SPCS1: variants seen among roughly 807,000 people sequenced by gnomAD.
SPCS1 encodes the protein SPase 12 kDa subunit.
In SPCS1, 10 loss-of-function variants were observed where a neutral mutation model predicts 16.4. The ratio of observed to expected loss-of-function variants is 0.61; its 90% CI spans 0.38 to 1.03. The LOEUF (loss-of-function observed/expected upper bound fraction) is 1.03. SPCS1 is among the 50% of genes least tolerant of loss of function. The pLI is 0.01. For synonymous variants in SPCS1, 47 were observed against 42.5 expected (o/e 1.10, Z -0.41); for missense variants, 118 against 123.8 (o/e 0.95, Z 0.22).
At position 52,706,694 on chromosome 3, in the gene SPCS1, T is replaced by G. The variant is rs764137558; in HGVS notation, c.87T>G (p.Leu29=). Residue 29 remains leucine (L), a synonymous_variant, in exon 2 of 4, where the codon CTT becomes CTG. Transcript: ENST00000619898. The part of the protein sequence containing the change: ...LAEQMFQGII[L]FSAIVGFIYG... ...AACAGATGTTTCAGGGAATTATTCT[T>G]TTTTCTGCAGTAAGTATTGGTTTTA... 1.9e-6 allele frequency: 3 copies of G among 1,613,964 alleles called. No individual in the cohort carries two copies. In the East Asian group the frequency reaches 6.7e-5, roughly 36 times the overall value.
chr3:52,706,306 C>G (rs1450807273), intron 1 of SPCS1, 24 bp downstream of exon 1: 3 of 1,588,940 alleles, frequency 1.9e-6, no homozygotes, highest in East Asian at 2.2e-5. Flanking sequence ...CCGGGGACCT[C>G]TGCACGCCGT....
rs1295527177 is a variant in SPCS1, at chr3:52,706,176, T to A, written c.-71T>A. ...CAGTGCCAGACCTTACCCCTCACGG[T>A]CCTTAAGTCTCGGTCGCCCTCGCCT... On this transcript the variant is annotated 5_prime_UTR_variant, in exon 1 of 4. Transcript: ENST00000619898. The A allele has an allele frequency of 6.5e-7, 1 of 1,548,492 alleles. No individual in the cohort carries two copies. The highest frequency in any genetic ancestry group is 8.7e-7 in the Non-Finnish European group (1 of 1,152,050).
Position 52,706,688 on chromosome 3 carries a change from T to C in SPCS1, c.81T>C (p.Ile27=). The C allele has an allele frequency of 6.2e-7, 1 of 1,614,042 alleles. No homozygotes were observed. Among genetic ancestry groups the C allele is most frequent in the Non-Finnish European group, 8.5e-7 (1 of 1,179,962 alleles). The part of the protein sequence containing the change: ...QKLAEQMFQG[I]ILFSAIVGFI... ...TAGCTGAACAGATGTTTCAGGGAATTATTCTTTTTTCTGCAGTAAGTATTG... is the reference window on the plus strand; with the variant it reads ...TAGCTGAACAGATGTTTCAGGGAATCATTCTTTTTTCTGCAGTAAGTATTG... The change falls in exon 2 of 4, where the codon ATT becomes ATC. Residue 27 remains isoleucine, a synonymous_variant. Transcript: ENST00000619898.
chr3:52,709,898 G>A lies in SPCS1; in HGVS notation c.*2086G>A, dbSNP rs1473287620. 1.3e-5 allele frequency: 2 copies of A among 152,162 alleles called. No homozygotes were observed. The highest frequency in any genetic ancestry group is 4.8e-5 in the African/African-American group (2 of 41,426). The allele number at this position is 152,162 out of a possible 1,614,324, so 9.4% of individuals were successfully genotyped here. On this transcript the variant is annotated 3_prime_UTR_variant, in exon 4 of 4. Transcript: ENST00000619898. ...AAAGATTTGTTCCCAACTGGGCATT[G>A]GGACTTGATGGTTTTGCAAGTTGAG...
chr3:52,708,159 C>G lies in SPCS1; in HGVS notation c.*347C>G, dbSNP rs901794982. On this transcript the variant is annotated 3_prime_UTR_variant, in exon 4 of 4. Transcript: ENST00000619898. Reference sequence around the variant, plus strand: ...CATTTTAATGTTTCCAATTAAACCTCATAGTGCAAGTTCTTTGTCTAAAGG... The same window carrying G: ...CATTTTAATGTTTCCAATTAAACCTGATAGTGCAAGTTCTTTGTCTAAAGG... 1 of 168,108 alleles carries G rather than the reference C, an allele frequency of 5.9e-6. No homozygotes were observed. Among genetic ancestry groups the G allele is most frequent in the African/African-American group, 2.4e-5 (1 of 41,794 alleles). The allele number at this position is 168,108 out of a possible 1,614,324, so 10.4% of individuals were successfully genotyped here.
chr3:52,706,461 A>G, intron 1 of SPCS1, 179 bp downstream of exon 1: 4 of 831,978 alleles, frequency 4.8e-6, no homozygotes, highest in Non-Finnish European at 7.4e-6. Context: ...TCTCCTGTCC[A>G]TTCTCCGTGA....
rs150901717 is a variant in SPCS1 at position 52,708,016 on chromosome 3, T to C, written c.*204T>C. 5,931 of 499,812 alleles carry C rather than the reference T, an allele frequency of 0.012. 47 individuals are homozygous for C. The highest frequency in any genetic ancestry group is 0.017 in the Non-Finnish European group (4,835 of 283,996). The allele number at this position is 499,812 out of a possible 1,614,324, so 31.0% of individuals were successfully genotyped here. A position where few individuals can be genotyped will look rare whatever the true frequency, so the allele number is the denominator to read the frequency against. ...TTCTCTTCATAATCTTGCTCTGAGA[T>C]GGGGAACAGAACACACAAGTATGAA... On this transcript the variant is annotated 3_prime_UTR_variant, in exon 4 of 4. Transcript: ENST00000619898.
Position 52,709,888 on chromosome 3 carries a change from A to C in SPCS1, c.*2076A>C, listed in dbSNP as rs1239360860. On this transcript the variant is annotated 3_prime_UTR_variant, in exon 4 of 4. Coordinates refer to ENST00000619898, the MANE Select transcript of SPCS1 (RefSeq NM_014041.5). ...CAAGTTTGCCAAAGATTTGTTCCCAACTGGGCATTGGGACTTGATGGTTTT... is the reference window on the plus strand; with the variant it reads ...CAAGTTTGCCAAAGATTTGTTCCCACCTGGGCATTGGGACTTGATGGTTTT... 1 of 152,162 alleles carries C rather than the reference A, an allele frequency of 6.6e-6. No individual in the cohort carries two copies. Among genetic ancestry groups the C allele is most frequent in the Admixed American group, 6.6e-5 (1 of 15,266 alleles). The allele number at this position is 152,162 out of a possible 1,614,324, so 9.4% of individuals were successfully genotyped here.
chr3:52,707,946 A>T lies in SPCS1; in HGVS notation c.*134A>T, dbSNP rs375212812. 1.2e-5 allele frequency: 13 copies of T among 1,126,932 alleles called. No individual in the cohort carries two copies. The highest frequency in any genetic ancestry group is 1.3e-5 in the Non-Finnish European group (10 of 786,252). 69.8% of individuals were successfully genotyped at this position (1,126,932 alleles called of 1,614,324 possible). Reference sequence around the variant, plus strand: ...ATAGATTTAGTTCTCTTTATACTTCATTTCTAGCCCAGTTGGGTTTTGATT... The same window carrying T: ...ATAGATTTAGTTCTCTTTATACTTCTTTTCTAGCCCAGTTGGGTTTTGATT... On this transcript the variant is annotated 3_prime_UTR_variant, in exon 4 of 4. Transcript: ENST00000619898.
Position 52,706,168 on chromosome 3 carries a change from C to G in SPCS1, c.-79C>G, listed in dbSNP as rs1337008013. On this transcript the variant is annotated 5_prime_UTR_variant, in exon 1 of 4. Transcript: ENST00000619898. ...CTGACGCGCAGTGCCAGACCTTACC[C>G]CTCACGGTCCTTAAGTCTCGGTCGC... 6.5e-7 allele frequency: 1 copy of G among 1,546,502 alleles called. No homozygotes were observed. Among genetic ancestry groups the G allele is most frequent in the Non-Finnish European group, 8.7e-7 (1 of 1,150,538 alleles).
At chr3:52,706,575 G>C (rs768184037) in intron 1 of SPCS1, 69 bp from the exon 2 acceptor site, 20 of 1,428,746 alleles carry the variant, frequency 1.4e-5, no homozygotes, top group Non-Finnish European at 2.0e-5. Context: ...CCAGAGTTGT[G>C]AGGTCAGGGC....
In SPCS1 at chr3:52,706,142, AC is replaced by A; in HGVS notation, c.-104del. 1.3e-6 allele frequency: 2 copies of A among 1,541,412 alleles called. No individual in the cohort carries two copies. The highest frequency in any genetic ancestry group is 1.7e-6 in the Non-Finnish European group (2 of 1,147,320). The stretch of plus-strand genomic sequence containing the variant: ...TCTCCCGGGCTTAGAAGGCCCGGCT[AC>A]TGACGCGCAGTGCCAGACCTTACCC... On this transcript the variant is annotated 5_prime_UTR_variant, in exon 1 of 4. The change creates a new upstream start codon in the 5' untranslated region. Coordinates refer to ENST00000619898, the MANE Select transcript of SPCS1 (RefSeq NM_014041.5).
rs778644030 is a variant in SPCS1 at position 52,707,704 on chromosome 3, G to A, written c.201G>A (p.Trp67Ter). 6.8e-6 allele frequency: 11 copies of A among 1,613,642 alleles called. No individual in the cohort carries two copies. Among genetic ancestry groups the A allele is most frequent in the African/African-American group, 1.3e-5 (1 of 74,824 alleles). Residue 67 changes from tryptophan (W) to a stop codon, truncating the protein, a stop_gained, in exon 4 of 4, where the codon TGG (tryptophan) becomes TGA (stop). Transcript: ENST00000619898. LOFTEE classifies it high-confidence loss of function. Reference sequence around the variant, plus strand: ...TGGCCCAGCTGACACTTCCTCCATGGCCCATCTATCGCCGGCATCCTCTCA... The same window carrying A: ...TGGCCCAGCTGACACTTCCTCCATGACCCATCTATCGCCGGCATCCTCTCA... Reference protein sequence around the residue: ...AFSCLLTLPPWPIYRRHPLKW... With the variant: ...AFSCLLTLPP
At position 52,710,447 on chromosome 3, in the gene SPCS1, G is replaced by C. The variant is rs2097349309; in HGVS notation, c.*2635G>C. On this transcript the variant is annotated 3_prime_UTR_variant, in exon 4 of 4. Coordinates refer to ENST00000619898, the MANE Select transcript of SPCS1 (RefSeq NM_014041.5). Reference sequence around the variant, plus strand: ...TGTGTGTGTGTAATTTTCAAAGATAGATATATTTTTAGTTATAGAAACTGA... The same window carrying C: ...TGTGTGTGTGTAATTTTCAAAGATACATATATTTTTAGTTATAGAAACTGA... The C allele has an allele frequency of 6.6e-6, 1 of 151,668 alleles. No individual in the cohort carries two copies. 9.4% of individuals were successfully genotyped at this position (151,668 alleles called of 1,614,324 possible).
intron 1 of SPCS1, 133 bp from the exon 2 acceptor site, chr3:52,706,511 T>C (rs1197402912): frequency 5.5e-6 from 5 of 906,834 alleles, no homozygotes; most frequent in Middle Eastern, 2.3e-4. Flanking sequence ...GAATTTAATA[T>C]CTTGCCCAGG....
In SPCS1 at chr3:52,707,294, C is replaced by G. The variant is rs891632545; in HGVS notation, c.184-393C>G. 5 of 203,936 alleles carry G rather than the reference C, an allele frequency of 2.5e-5. No homozygotes were observed. The South Asian group carries it at 3.2e-4, about 13-fold the overall frequency. The allele number at this position is 203,936 out of a possible 1,614,324, so 12.6% of individuals were successfully genotyped here. A position where few individuals can be genotyped will look rare whatever the true frequency, so the allele number is the denominator to read the frequency against. Reference sequence around the variant, plus strand: ...AATAGATTTTCCTGCCTCAGCCTCCCGAGTAGCTGTGACTACAGGAGCCCA... The same window carrying G: ...AATAGATTTTCCTGCCTCAGCCTCCGGAGTAGCTGTGACTACAGGAGCCCA... On this transcript the variant is annotated intron_variant, in intron 3 of 3. Coordinates refer to ENST00000619898, the MANE Select transcript of SPCS1 (RefSeq NM_014041.5).
In SPCS1 at chr3:52,707,857, TAA is replaced by T; in HGVS notation, c.*47_*48del. The T allele has an allele frequency of 6.2e-7, 1 of 1,611,712 alleles. No homozygotes were observed. The highest frequency in any genetic ancestry group is 8.5e-7 in the Non-Finnish European group (1 of 1,178,622). On this transcript the variant is annotated 3_prime_UTR_variant, in exon 4 of 4. Coordinates refer to ENST00000619898, the MANE Select transcript of SPCS1 (RefSeq NM_014041.5). ...CTGCTTTTGTTTCTGTGAGATGAGC[TAA>T]ATTGCTTTCATACCCCAGATAAGAG...
Position 52,710,368 on chromosome 3 carries a change from A to C in SPCS1, c.*2556A>C, listed in dbSNP as rs2097349197. 2 of 151,936 alleles carry C rather than the reference A, an allele frequency of 1.3e-5. No homozygotes were observed. Among genetic ancestry groups the C allele is most frequent in the African/African-American group, 4.8e-5 (2 of 41,382 alleles). 9.4% of individuals were successfully genotyped at this position (151,936 alleles called of 1,614,324 possible). A position where few individuals can be genotyped will look rare whatever the true frequency, so the allele number is the denominator to read the frequency against. On this transcript the variant is annotated 3_prime_UTR_variant, in exon 4 of 4. Coordinates refer to ENST00000619898, the MANE Select transcript of SPCS1 (RefSeq NM_014041.5). ...TGACAGAGCAAGACTGTGTCTTAAAAAAAAAAAAAAATTGTTAAGTGGCTG... is the reference window on the plus strand; with the variant it reads ...TGACAGAGCAAGACTGTGTCTTAAACAAAAAAAAAAATTGTTAAGTGGCTG...
At chr3:52,706,570 G>A (rs1404776866) in intron 1 of SPCS1, 74 bp from the exon 2 acceptor site, 3 of 1,394,132 alleles carry the variant, frequency 2.2e-6, no homozygotes, top group African/African-American at 2.9e-5. Context: ...CTGTGCCAGA[G>A]TTGTGAGGTC....
Sources: allele counts gnomAD v4.1 joint callset, GRCh38; gene constraint gnomAD v4.1.1; transcripts MANE v1.5; gene names NCBI Gene and HGNC (gene_info 2026-07-23, HGNC 2026-07-21).